LYPLAL1: variants seen among roughly 807,000 people sequenced by gnomAD.
LYPLAL1 encodes the protein lysophospholipase like 1, also known as lysophospholipase-like protein 1.
LYPLAL1 carries 23 observed loss-of-function variants against 19.7 expected under a neutral mutation model. The ratio of observed to expected loss-of-function variants is 1.17; its 90% CI spans 0.84 to 1.65. LYPLAL1 has a LOEUF of 1.65. Ranked by LOEUF, LYPLAL1 falls within the 40% of genes most tolerant of loss-of-function variation. The pLI, the probability that LYPLAL1 is intolerant of heterozygous loss-of-function variation, is 0.00. For synonymous variants in LYPLAL1, 119 were observed against 96.3 expected, an observed-to-expected ratio of 1.24 and a Z score of -1.38; for missense variants, 355 against 279.4, an observed-to-expected ratio of 1.27 and a Z score of -1.93.
At chr1:219,179,717 C>A (rs889963639) in intron 2 of LYPLAL1, among the ~76,000 whole-genome samples, 1 of 152,074 alleles carries the variant, frequency 6.6e-6, no homozygotes, top group African/African-American at 2.4e-5. Context: ...AATCAGTAAA[C>A]CAGAATAGGA....
At chr1:219,236,541 T>C in the LYPLAL1 span, among the ~76,000 whole-genome samples, 1 of 152,232 alleles carries the variant, frequency 6.6e-6, no homozygotes, top group Non-Finnish European at 1.5e-5. Flanking sequence ...TAAGACATTC[T>C]CTTAAGAAAT....
chr1:219,179,883 C>T (rs992224533), intron 2 of LYPLAL1, among the ~76,000 whole-genome samples: 6 of 152,100 alleles, frequency 3.9e-5, no homozygotes, highest in African/African-American at 7.2e-5. Flanking sequence ...GAACACATGC[C>T]GTAAATCAGG....
chr1:219,289,422 A>T, the LYPLAL1 span, among the ~76,000 whole-genome samples: 1 of 152,154 alleles, frequency 6.6e-6, no homozygotes, highest in Non-Finnish European at 1.5e-5. Flanking sequence ...TTTATTAGGT[A>T]CTATGGGAAG....
chr1:219,193,861 A>G (rs994229877), intron 3 of LYPLAL1, among the ~76,000 whole-genome samples: 25 of 151,908 alleles, frequency 1.6e-4, no homozygotes, highest in African/African-American at 4.8e-4. Flanking sequence ...TATGAATGGT[A>G]CACGACATAT....
the LYPLAL1 span, among the ~76,000 whole-genome samples, chr1:219,328,463 T>C: frequency 6.6e-6 from 1 of 152,300 alleles, no homozygotes; most frequent in Non-Finnish European, 1.5e-5. Context: ...CCCACCATTA[T>C]CCTACACACC....
the LYPLAL1 span, among the ~76,000 whole-genome samples, chr1:219,381,428 A>G: frequency 3.0e-4 from 46 of 152,296 alleles, 1 homozygote; most frequent in African/African-American, 1.1e-3. Flanking sequence ...CATTTTCTTC[A>G]CAACAATTTC....
chr1:219,436,952 T>A, the LYPLAL1 span: 5 of 152,226 alleles, frequency 3.3e-5, no homozygotes, highest in African/African-American at 7.2e-5. Context: ...TTGGGAACTC[T>A]GTTACACTAT....
chr1:219,324,374 C>T, the LYPLAL1 span, among the ~76,000 whole-genome samples: 1 of 152,174 alleles, frequency 6.6e-6, no homozygotes, highest in Non-Finnish European at 1.5e-5. Flanking sequence ...GCTCTGCAAA[C>T]AGTACTTACT....
chr1:219,222,247 AT>A, the LYPLAL1 span: 4 of 152,118 alleles, frequency 2.6e-5, no homozygotes, highest in Non-Finnish European at 5.9e-5. Context: ...CCACATTTCA[AT>A]TTTGAGTTAA....
chr1:219,363,124 C>T, the LYPLAL1 span, among the ~76,000 whole-genome samples: 1 of 151,968 alleles, frequency 6.6e-6, no homozygotes, highest in African/African-American at 2.4e-5. Flanking sequence ...AAAACGTGGC[C>T]AAAAAGGTTT....
chr1:219,206,304 G>A (rs1474375960), intron 3 of LYPLAL1, among the ~76,000 whole-genome samples: 1 of 152,102 alleles, frequency 6.6e-6, no homozygotes, highest in Middle Eastern at 3.4e-3. Flanking sequence ...GCCAGCAACC[G>A]TAAATACCCG....
the LYPLAL1 span, among the ~76,000 whole-genome samples, chr1:219,423,702 A>G: frequency 6.6e-6 from 1 of 152,176 alleles, no homozygotes; most frequent in Non-Finnish European, 1.5e-5. Context: ...GAACCTCACA[A>G]TAACCCTGAA....
chr1:219,205,370 A>AAAAAAAAAAC (rs1553302367), intron 3 of LYPLAL1, among the ~76,000 whole-genome samples: 2 of 149,792 alleles, frequency 1.3e-5, no homozygotes, highest in East Asian at 3.9e-4. Context: ...TCTCAAAAAA[A>AAAAAAAAAAC]AAAAAAAACA....
At chr1:219,318,020 A>G in the LYPLAL1 span, among the ~76,000 whole-genome samples, 1 of 152,180 alleles carries the variant, frequency 6.6e-6, no homozygotes, top group African/African-American at 2.4e-5. Context: ...TGGGTGTTCA[A>G]GTCAGAGTGT....
intron 2 of LYPLAL1, among the ~76,000 whole-genome samples, chr1:219,183,213 T>G (rs751240363): frequency 7.9e-5 from 12 of 152,148 alleles, no homozygotes; most frequent in Non-Finnish European, 1.6e-4. Flanking sequence ...TTTATGTGCT[T>G]ATTGAGCATT....
At chr1:219,406,119 T>G in the LYPLAL1 span, among the ~76,000 whole-genome samples, 1 of 152,174 alleles carries the variant, frequency 6.6e-6, no homozygotes, top group African/African-American at 2.4e-5. Context: ...TCTTAAAAGT[T>G]TATAGAAGCA....
chr1:219,186,353 A>C (rs1481570140), intron 2 of LYPLAL1, among the ~76,000 whole-genome samples: 2 of 151,836 alleles, frequency 1.3e-5, no homozygotes, highest in Non-Finnish European at 2.9e-5. Flanking sequence ...GCATTACACA[A>C]ATTCTGTATA....
chr1:219,283,409 C>T, the LYPLAL1 span, among the ~76,000 whole-genome samples: 3 of 152,046 alleles, frequency 2.0e-5, no homozygotes, highest in East Asian at 1.9e-4. Flanking sequence ...GATTCACAAA[C>T]GTGGAGCTAA....
intron 2 of LYPLAL1, among the ~76,000 whole-genome samples, chr1:219,187,819 A>T (rs951138646): frequency 1.3e-5 from 2 of 151,756 alleles, no homozygotes; most frequent in Non-Finnish European, 2.9e-5. Context: ...ATAACAGTAT[A>T]TCTGTACTAC....
Sources: allele counts gnomAD v4.1 joint callset (sites outside exome capture counted in the v4.1 genomes callset), GRCh38; gene constraint gnomAD v4.1.1; transcripts MANE v1.5; gene names NCBI Gene and HGNC (gene_info 2026-07-23, HGNC 2026-07-21).